The following FNBP1L variants were observed in gnomAD, a reference collection of about 807,000 sequenced individuals.
FNBP1L encodes formin binding protein 1 like, also known as formin-binding protein 1-like.
A neutral mutation model predicts 91.2 loss-of-function variants in FNBP1L; 36 were observed. The observed-to-expected ratio is 0.39, with a 90% confidence interval of 0.30 to 0.52. The LOEUF is 0.52. Ranked by LOEUF, FNBP1L falls within the 20% of genes least tolerant of loss-of-function variation. The probability of loss-of-function intolerance (pLI) is 0.66; values close to 1 mark genes in which losing one functional copy is unlikely to be tolerated. For synonymous variants in FNBP1L, 242 were observed against 237.0 expected, an observed-to-expected ratio of 1.02 and a Z score of -0.19; for missense variants, 571 against 732.1, an observed-to-expected ratio of 0.78 and a Z score of 2.54.
At chr1:93,539,573 A>G (rs1671960027) in intron 10 of FNBP1L, among the ~76,000 whole-genome samples, 1 of 152,110 alleles carries the variant, frequency 6.6e-6, no homozygotes, top group Non-Finnish European at 1.5e-5. Flanking sequence ...ATATTAATAT[A>G]GAAATTAGAT....
At chr1:93,534,612 A>G (rs1671786228) in intron 8 of FNBP1L, 93 bp from the exon 9 acceptor site, 8 of 725,204 alleles carry the variant, frequency 1.1e-5, no homozygotes, top group Non-Finnish European at 1.3e-5. Context: ...TTAAACTTAT[A>G]TTTGTTGTTT....
At chr1:93,464,714 TATTAA>T (rs989706315) in intron 1 of FNBP1L, among the ~76,000 whole-genome samples, 1 of 152,216 alleles carries the variant, frequency 6.6e-6, no homozygotes, top group Non-Finnish European at 1.5e-5. Flanking sequence ...TAAACATAAT[TATTAA>T]ATTATTACCT....
chr1:93,502,998 A>G (rs548046361), intron 2 of FNBP1L, among the ~76,000 whole-genome samples: 10 of 152,228 alleles, frequency 6.6e-5, no homozygotes, highest in Admixed American at 2.6e-4. Flanking sequence ...TAATGGGAAA[A>G]ATTCTTTTGG....
intron 2 of FNBP1L, among the ~76,000 whole-genome samples, chr1:93,501,873 A>AT (rs1670449315): frequency 6.6e-6 from 1 of 152,074 alleles, no homozygotes; most frequent in Admixed American, 6.6e-5. Flanking sequence ...TTAATCTAGC[A>AT]TTTTCATTTC....
chr1:93,551,180 AAACACAT>A (rs1672403893), intron 16 of FNBP1L, 75 bp downstream of exon 16: 1 of 1,435,260 alleles, frequency 7.0e-7, no homozygotes, highest in Admixed American at 2.5e-5. Context: ...CATAAAATGA[AAACACAT>A]TCAACAGGTT....
intron 8 of FNBP1L, 83 bp downstream of exon 8, chr1:93,533,151 A>T: frequency 1.6e-6 from 2 of 1,238,128 alleles, no homozygotes; most frequent in Non-Finnish European, 2.3e-6. Context: ...TGAGAAAGGG[A>T]TAAAGTAATC....
At chr1:93,485,354 A>G (rs543949998) in intron 1 of FNBP1L, among the ~76,000 whole-genome samples, 2 of 152,174 alleles carry the variant, frequency 1.3e-5, no homozygotes, top group Non-Finnish European at 2.9e-5. Flanking sequence ...AAGAACATAT[A>G]CTATTTTAAA....
chr1:93,514,964 C>T (rs1308047116), intron 2 of FNBP1L, among the ~76,000 whole-genome samples: 7 of 152,242 alleles, frequency 4.6e-5, no homozygotes, highest in Non-Finnish European at 1.0e-4. Flanking sequence ...AAGAAACTAC[C>T]ATCAGAGTGA....
At chr1:93,489,408 A>T (rs1670023687) in intron 1 of FNBP1L, among the ~76,000 whole-genome samples, 3 of 152,142 alleles carry the variant, frequency 2.0e-5, no homozygotes, top group Admixed American at 2.0e-4. Context: ...TCTGAGAAAG[A>T]TATTCTTGAA....
chr1:93,514,705 G>C (rs1671010645), intron 2 of FNBP1L, among the ~76,000 whole-genome samples: 1 of 151,730 alleles, frequency 6.6e-6, no homozygotes, highest in South Asian at 2.1e-4. Context: ...TGGGAAAACT[G>C]GCTAGCCATA....
intron 2 of FNBP1L, among the ~76,000 whole-genome samples, chr1:93,506,643 A>T (rs1333476165): frequency 6.6e-6 from 1 of 152,214 alleles, no homozygotes; most frequent in African/African-American, 2.4e-5. Flanking sequence ...TTAAACAGTG[A>T]TTAGAACTCA....
At chr1:93,532,882 A>C in intron 7 of FNBP1L, 40 bp from the exon 8 acceptor site, 2 of 1,511,664 alleles carry the variant, frequency 1.3e-6, no homozygotes, top group Non-Finnish European at 1.8e-6. Flanking sequence ...ATGATTGAAA[A>C]ATTCAGTTTT....
intron 1 of FNBP1L, among the ~76,000 whole-genome samples, chr1:93,479,254 A>C (rs1397181577): frequency 6.6e-6 from 1 of 152,356 alleles, no homozygotes; most frequent in East Asian, 1.9e-4. Context: ...TAAGTCACAA[A>C]GATCACATGC....
chr1:93,509,900 C>T (rs530698645), intron 2 of FNBP1L, among the ~76,000 whole-genome samples: 3 of 152,196 alleles, frequency 2.0e-5, no homozygotes, highest in Non-Finnish European at 4.4e-5. Flanking sequence ...TGCGCTTTTC[C>T]GACAGGCTTA....
At chr1:93,449,857 T>G (rs1332975813) in intron 1 of FNBP1L, among the ~76,000 whole-genome samples, 1 of 152,234 alleles carries the variant, frequency 6.6e-6, no homozygotes. Context: ...TAGTGAATTA[T>G]CAATGAAAGG....
chr1:93,497,445 GTCTTTATA>G (rs1383238098), intron 1 of FNBP1L, among the ~76,000 whole-genome samples: 6 of 152,086 alleles, frequency 3.9e-5, no homozygotes, highest in Admixed American at 3.3e-4. Context: ...CATTGATGGT[GTCTTTATA>G]TCTTTATGTG....
chr1:93,534,128 T>C (rs1008212166), intron 8 of FNBP1L, among the ~76,000 whole-genome samples: 4 of 152,150 alleles, frequency 2.6e-5, no homozygotes, highest in African/African-American at 9.6e-5. Context: ...TCAAATGTTG[T>C]TTGCACTCAG....
At position 93,466,442 on chromosome 1, in the gene FNBP1L, C is replaced by T. The variant is rs187989588; in HGVS notation, c.24+18137C>T. Reference sequence around the variant, plus strand: ...TGTGGCTAGCCAGTTTTCCCAGCACCGTTTATTGAATAGGGAATCCTTTCC... The same window carrying T: ...TGTGGCTAGCCAGTTTTCCCAGCACTGTTTATTGAATAGGGAATCCTTTCC... On this transcript the variant is annotated intron_variant, in intron 1 of 16. Coordinates refer to ENST00000271234, the MANE Select transcript of FNBP1L (RefSeq NM_001164473.3). Among the ~76,000 whole-genome samples, 848 of 152,184 alleles carry T rather than the reference C, an allele frequency of 5.6e-3. 3 individuals carry two copies. The highest frequency in any genetic ancestry group is 7.1e-3 in the Admixed American group (109 of 15,292).
intron 2 of FNBP1L, among the ~76,000 whole-genome samples, chr1:93,500,312 C>G (rs1173094754): frequency 6.6e-6 from 1 of 152,196 alleles, no homozygotes; most frequent in Non-Finnish European, 1.5e-5. Context: ...GGCCCCATTT[C>G]TTGGCTGTGC....
Sources: allele counts gnomAD v4.1 joint callset (sites outside exome capture counted in the v4.1 genomes callset), GRCh38; gene constraint gnomAD v4.1.1; transcripts MANE v1.5; gene names NCBI Gene and HGNC (gene_info 2026-07-23, HGNC 2026-07-21).